The following CCDC42 variants were observed in gnomAD, a reference collection of about 807,000 sequenced individuals.
CCDC42 encodes coiled-coil domain-containing protein 42.
A neutral mutation model predicts 40.8 loss-of-function variants in CCDC42; 38 were observed. The observed-to-expected ratio is 0.93, with a 90% CI of 0.72 to 1.22. The LOEUF (loss-of-function observed/expected upper bound fraction) is 1.22, where lower values mean the gene tolerates loss of function less well. Among genes scored for constraint, CCDC42 ranks in the 50% most tolerant of loss-of-function variants. The pLI, the probability that CCDC42 is intolerant of heterozygous loss-of-function variation, is 0.00. For synonymous variants in CCDC42, 135 were observed against 157.5 expected (o/e 0.86, Z 1.07); for missense variants, 379 against 416.5 (o/e 0.91, Z 0.78).
intron 4 of CCDC42, among the ~76,000 whole-genome samples, chr17:8,736,284 A>G (rs2086611051): frequency 6.6e-6 from 1 of 152,188 alleles, no homozygotes; most frequent in South Asian, 2.1e-4. Context: ...ACTCTGGGAA[A>G]GCCTTCACGT....
chr17:8,737,709 G>A (rs2086620281), intron 4 of CCDC42, among the ~76,000 whole-genome samples: 1 of 152,116 alleles, frequency 6.6e-6, no homozygotes, highest in African/African-American at 2.4e-5. Flanking sequence ...GGAATCATAC[G>A]ATATAACCTC....
At chr17:8,731,001 T>C (rs530988309) in intron 6 of CCDC42, among the ~76,000 whole-genome samples, 2 of 152,342 alleles carry the variant, frequency 1.3e-5, no homozygotes, top group East Asian at 3.9e-4. Context: ...CACCGCCTTC[T>C]GTTTTGTAAA....
At chr17:8,732,609 A>G (rs72846981) in intron 6 of CCDC42, among the ~76,000 whole-genome samples, 4,775 of 152,308 alleles carry the variant, frequency 0.031, 102 homozygotes, top group Non-Finnish European at 0.05. Context: ...ACATGCCCCA[A>G]AGGAGTCCTG....
chr17:8,743,675 T>C lies in CCDC42; in HGVS notation c.245A>G (p.Lys82Arg), dbSNP rs776944531. ...GATGTGAGCCTTCAGTTGGGCTTCCTTAACGCCCAGTTCCTCCCAGCGCAG... is the reference window on the plus strand; with the variant it reads ...GATGTGAGCCTTCAGTTGGGCTTCCCTAACGCCCAGTTCCTCCCAGCGCAG... ...LNLRWEELGVKEAQLKAHIQK... is the reference protein window; with the variant it reads ...LNLRWEELGVREAQLKAHIQK... Residue 82 changes from lysine (K) to arginine (R), a missense_variant, in exon 3 of 7, where the codon AAG becomes AGG. Physicochemically the swap from Lys to Arg is conservative, Grantham distance 26. Coordinates refer to ENST00000293845, the MANE Select transcript of CCDC42 (RefSeq NM_144681.3). 63 of 1,613,160 alleles carry C rather than the reference T, an allele frequency of 3.9e-5. No individual in the cohort carries two copies. In the Admixed American group the frequency reaches 8.2e-4, roughly 21 times the overall value.
At chr17:8,741,401 G>C (rs2086642520) in intron 4 of CCDC42, 73 bp downstream of exon 4, 1 of 1,448,696 alleles carries the variant, frequency 6.9e-7, no homozygotes, top group Non-Finnish European at 9.7e-7. Context: ...CCATCCCATG[G>C]CCCCAGGCCC....
chr17:8,736,163 G>C (rs2086610508), intron 4 of CCDC42, among the ~76,000 whole-genome samples: 1 of 152,218 alleles, frequency 6.6e-6, no homozygotes, highest in Admixed American at 6.5e-5. Flanking sequence ...CTGCTCTTAG[G>C]AAGCTTACAG....
chr17:8,735,413 C>T lies in CCDC42; in HGVS notation c.691G>A (p.Ala231Thr). ...ACCCAGAAGATGACATTGCTGCGGG[C>T]ACGGTCAAAGCGCATCTGCAGCCTT... is the stretch of plus-strand genomic sequence containing the variant. Reference protein sequence around the residue: ...LARLQMRFDRARSNVIFWESR... With the variant: ...LARLQMRFDRTRSNVIFWESR... Residue 231 changes from alanine to threonine, a missense_variant, in exon 5 of 7, where the codon GCC becomes ACC. Physicochemically the swap from Ala to Thr is moderately conservative, Grantham distance 58. Coordinates refer to ENST00000293845, the MANE Select transcript of CCDC42 (RefSeq NM_144681.3). This position sits in a 1 kb window ranked among gnomAD's most constrained non-coding sequence, Gnocchi z 4.7. 1 of 1,613,928 alleles carries T rather than the reference C, an allele frequency of 6.2e-7. No homozygotes were observed. Among genetic ancestry groups the T allele is most frequent in the South Asian group, 1.1e-5 (1 of 91,092 alleles).
chr17:8,737,020 AG>A (rs60782563), intron 4 of CCDC42, among the ~76,000 whole-genome samples: 61,814 of 147,558 alleles, frequency 0.42, 13,380 homozygotes, highest in Non-Finnish European at 0.46. Context: ...AAAGAAAAAA[AG>A]AAAAGAAGAG....
At chr17:8,740,164 T>C (rs1043231568) in intron 4 of CCDC42, among the ~76,000 whole-genome samples, 2 of 152,048 alleles carry the variant, frequency 1.3e-5, no homozygotes, top group Non-Finnish European at 2.9e-5. Flanking sequence ...GGAGATAATG[T>C]GACATGGGTG....
intron 3 of CCDC42, among the ~76,000 whole-genome samples, chr17:8,742,509 C>G (rs1232355735): frequency 6.6e-6 from 1 of 152,242 alleles, no homozygotes; most frequent in African/African-American, 2.4e-5. Flanking sequence ...GAGCCCTCCC[C>G]TAAGATTAGG....
At chr17:8,736,012 T>G (rs1040674776) in intron 4 of CCDC42, among the ~76,000 whole-genome samples, 1 of 152,174 alleles carries the variant, frequency 6.6e-6, no homozygotes, top group Non-Finnish European at 1.5e-5. Context: ...CAGCCAGGGT[T>G]GATAATCGCT....
chr17:8,741,456 C>G lies in CCDC42; in HGVS notation c.492+18G>C, dbSNP rs1251600205. ...TGAGGAAGGTGCCAGGGCCGGCCCCCCTGCTCCTTGGACTCACCTCGGAGT... is the reference window on the plus strand; with the variant it reads ...TGAGGAAGGTGCCAGGGCCGGCCCCGCTGCTCCTTGGACTCACCTCGGAGT... On this transcript the variant is annotated intron_variant, in intron 4 of 6. Coordinates refer to ENST00000293845, the MANE Select transcript of CCDC42 (RefSeq NM_144681.3). 6.2e-7 allele frequency: 1 copy of G among 1,613,136 alleles called. No homozygotes were observed. The highest frequency in any genetic ancestry group is 8.5e-7 in the Non-Finnish European group (1 of 1,179,130).
chr17:8,740,579 C>T (rs61575037), intron 4 of CCDC42, among the ~76,000 whole-genome samples: 2,405 of 151,772 alleles, frequency 0.016, 73 homozygotes, highest in African/African-American at 0.052. Flanking sequence ...GCGCCCCCGC[C>T]GGAGGAGCCT....
At position 8,741,529 on chromosome 17, in the gene CCDC42, A is replaced by G; in HGVS notation, c.437T>C (p.Leu146Pro). Residue 146 changes from leucine to proline, a missense_variant, in exon 4 of 7, where the codon CTG becomes CCG. Leu to Pro is a moderately conservative substitution (Grantham distance 98, BLOSUM62 -3). Transcript: ENST00000293845. ...RLEHQRLSAK[L>P]KDYYIFNKYL... ...CTTGTTGAAGATGTAGTAGTCCTTC[A>G]GCTTGGCGCTCAGCCGCTGGTGCTC... 2 of 1,614,208 alleles carry G rather than the reference A, an allele frequency of 1.2e-6. No homozygotes were observed. Among genetic ancestry groups the G allele is most frequent in the Non-Finnish European group, 1.7e-6 (2 of 1,180,034 alleles).
At chr17:8,740,170 G>A (rs1460089514) in intron 4 of CCDC42, among the ~76,000 whole-genome samples, 1 of 152,106 alleles carries the variant, frequency 6.6e-6, no homozygotes, top group Admixed American at 6.6e-5. Context: ...AATGTGACAT[G>A]GGTGGCATCC....
intron 4 of CCDC42, among the ~76,000 whole-genome samples, chr17:8,737,024 AAG>A: frequency 1.9e-5 from 1 of 51,926 alleles, no homozygotes; most frequent in South Asian, 5.2e-4. Context: ...AAAAAAAGAA[AAG>A]AAGAGGGAGG....
At position 8,735,529 on chromosome 17, in the gene CCDC42, C is replaced by G; in HGVS notation, c.575G>C (p.Gly192Ala). The G allele has an allele frequency of 6.2e-7, 1 of 1,614,116 alleles. No individual in the cohort carries two copies. The highest frequency in any genetic ancestry group is 8.5e-7 in the Non-Finnish European group (1 of 1,180,036). The change falls in exon 5 of 7, where the codon GGC becomes GCC. Residue 192 changes from glycine to alanine, a missense_variant. Transcript: ENST00000293845. This position sits in a 1 kb window ranked among gnomAD's most constrained non-coding sequence, Gnocchi z 4.7. The part of the protein sequence containing the change: ...RHDLMQSAQE[G>A]QEKIERAKAR... ...CTTGGCGCGCTCAATCTTCTCCTGG[C>G]CTTCCTGCGCAGACTGCATGAGGTC...
chr17:8,732,160 G>A (rs948127718), intron 6 of CCDC42, among the ~76,000 whole-genome samples: 4 of 151,784 alleles, frequency 2.6e-5, no homozygotes, highest in Non-Finnish European at 4.4e-5. Context: ...TTAGCCAGGC[G>A]TAGTGGCGGG....
intron 6 of CCDC42, among the ~76,000 whole-genome samples, chr17:8,730,639 C>T (rs1182118700): frequency 1.3e-5 from 2 of 152,182 alleles, no homozygotes; most frequent in Non-Finnish European, 2.9e-5. Context: ...TGCACCCAAC[C>T]ATGACTGACT....
Sources: gnomAD v4.1 joint callset for allele counts (sites outside exome capture counted in the v4.1 genomes callset) on GRCh38, gnomAD v4.1.1 for gene constraint, Gnocchi (gnomAD v3.1) non-coding constraint, MANE v1.5 for transcripts, NCBI Gene and HGNC (gene_info 2026-07-23, HGNC 2026-07-21) for gene names.